ZNF407: variants seen among roughly 807,000 people sequenced by gnomAD.
ZNF407 encodes zinc finger protein 407.
A neutral mutation model predicts 131.2 loss-of-function variants in ZNF407; 17 were observed. The observed-to-expected ratio is 0.13, with a 90% CI of 0.09 to 0.19. The LOEUF is 0.19. ZNF407 is among the 10% of genes least tolerant of loss of function. The pLI is 1.00. For missense variants in ZNF407, 2,681 were observed against 2,830.6 expected, an observed-to-expected ratio of 0.95 and a Z score of 1.20; for synonymous variants, 1,156 against 1,062.0, an observed-to-expected ratio of 1.09 and a Z score of -1.72.
Position 74,634,058 on chromosome 18 carries a change from C to T in ZNF407, c.3039C>T (p.Gly1013=), listed in dbSNP as rs759445397. ...GDVYSQRDVT[G]TGENKCLHCE... ...TGTACTCCCAGAGAGATGTTACAGG[C>T]ACAGGTGAGAATAAGTGTTTGCACT... The change falls in exon 2 of 9, where the codon GGC becomes GGT. Residue 1013 remains glycine, a synonymous_variant. Transcript: ENST00000299687. 6.2e-7 allele frequency: 1 copy of T among 1,614,014 alleles called. No individual in the cohort carries two copies. Among genetic ancestry groups the T allele is most frequent in the South Asian group, 1.1e-5 (1 of 91,070 alleles).
rs775801351 is a variant in ZNF407 at position 74,632,170 on chromosome 18, C to T, written c.1151C>T (p.Thr384Ile). Residue 384 changes from threonine (T) to isoleucine (I), a missense_variant, in exon 2 of 9, where the codon ACC becomes ATC. Thr to Ile is a moderately conservative substitution (Grantham distance 89). Coordinates refer to ENST00000299687, the MANE Select transcript of ZNF407 (RefSeq NM_017757.3). ...GAAAACCAGAGTAGAAAGCTAGACACCTTAGTAACCTCAGAGGGTCTCTTA... is the reference window on the plus strand; with the variant it reads ...GAAAACCAGAGTAGAAAGCTAGACATCTTAGTAACCTCAGAGGGTCTCTTA... ...NPENQSRKLD[T>I]LVTSEGLLEK... 1.9e-6 allele frequency: 3 copies of T among 1,613,942 alleles called. No homozygotes were observed. The highest frequency in any genetic ancestry group is 2.5e-6 in the Non-Finnish European group (3 of 1,179,882).
At chr18:74,912,569 G>C (rs906449281) in intron 7 of ZNF407, among the ~76,000 whole-genome samples, 22 of 152,208 alleles carry the variant, frequency 1.4e-4, no homozygotes. Context: ...ATGTTATTGA[G>C]AGAGCTGAGT....
At chr18:74,668,374 T>C (rs1986012259) in intron 3 of ZNF407, among the ~76,000 whole-genome samples, 1 of 152,168 alleles carries the variant, frequency 6.6e-6, no homozygotes. Flanking sequence ...ACATATGAAA[T>C]CTGAAGGGAT....
Position 74,631,083 on chromosome 18 carries a change from GA to G in ZNF407, c.65del (p.Asp22AlafsTer2). 6.2e-7 allele frequency: 1 copy of G among 1,613,556 alleles called. No individual in the cohort carries two copies. Among genetic ancestry groups the G allele is most frequent in the Non-Finnish European group, 8.5e-7 (1 of 1,179,804 alleles). ...TGAAAAGATAAACAAAGAAGCACAA[GA>G]CTTGACAAAGCTTTCATCCCATAAT... ...EDEKINKEAQDLTKLSSHNED... is the reference protein window; with the variant it reads ...EDEKINKEAQXLTKLSSHNED... On this transcript the variant is annotated frameshift_variant, in exon 2 of 9. Transcript: ENST00000299687. LOFTEE classifies it high-confidence loss of function.
intron 8 of ZNF407, among the ~76,000 whole-genome samples, chr18:74,933,611 T>G (rs149342202): frequency 0.011 from 1,735 of 152,346 alleles, 33 homozygotes; most frequent in African/African-American, 0.038. Flanking sequence ...TTGGTACCCC[T>G]ATTTTTTCTG....
intron 1 of ZNF407, among the ~76,000 whole-genome samples, chr18:74,616,885 C>A (rs1983317789): frequency 6.6e-6 from 1 of 151,368 alleles, no homozygotes; most frequent in African/African-American, 2.4e-5. Context: ...TATCCACACA[C>A]CACACACATC....
At chr18:74,642,114 A>T (rs1036689061) in intron 3 of ZNF407, among the ~76,000 whole-genome samples, 1 of 152,118 alleles carries the variant, frequency 6.6e-6, no homozygotes, top group African/African-American at 2.4e-5. Flanking sequence ...TGGACAGTAC[A>T]TTTCATCCCA....
intron 8 of ZNF407, among the ~76,000 whole-genome samples, chr18:75,034,697 C>G (rs1364631764): frequency 6.6e-6 from 1 of 151,672 alleles, no homozygotes. Context: ...TGGTTTAGTT[C>G]TAAATATTTT....
intron 3 of ZNF407, among the ~76,000 whole-genome samples, chr18:74,719,739 G>A (rs1434377224): frequency 1.3e-5 from 2 of 152,078 alleles, no homozygotes; most frequent in Non-Finnish European, 2.9e-5. Context: ...TTTTTTTAGC[G>A]TCCACATATG....
intron 7 of ZNF407, among the ~76,000 whole-genome samples, chr18:74,904,893 A>G (rs978320470): frequency 7.2e-5 from 11 of 152,242 alleles, no homozygotes; most frequent in Non-Finnish European, 1.3e-4. Context: ...AATCAGTGGA[A>G]GTTAGAAAAG....
intron 8 of ZNF407, among the ~76,000 whole-genome samples, chr18:74,965,828 T>C (rs1284933419): frequency 6.6e-6 from 1 of 152,234 alleles, no homozygotes; most frequent in African/African-American, 2.4e-5. Context: ...TTTTGTTGCT[T>C]GCCTTTTGAA....
chr18:75,007,234 T>G (rs2122173184), intron 8 of ZNF407, among the ~76,000 whole-genome samples: 1 of 151,894 alleles, frequency 6.6e-6, no homozygotes, highest in South Asian at 2.1e-4. Context: ...CTATTTCTCT[T>G]TTCTGTTTCT....
chr18:74,995,971 A>T (rs1246709795), intron 8 of ZNF407, among the ~76,000 whole-genome samples: 1 of 152,272 alleles, frequency 6.6e-6, no homozygotes, highest in African/African-American at 2.4e-5. Context: ...TGATGTGAAT[A>T]CATGGTCTTT....
intron 4 of ZNF407, among the ~76,000 whole-genome samples, chr18:74,844,356 C>G (rs1970674389): frequency 6.6e-6 from 1 of 152,156 alleles, no homozygotes; most frequent in African/African-American, 2.4e-5. Flanking sequence ...ACTTGGAAAT[C>G]CAGCTTCCCT....
chr18:75,051,544 T>A (rs1279543494), intron 8 of ZNF407, among the ~76,000 whole-genome samples: 1 of 152,204 alleles, frequency 6.6e-6, no homozygotes, highest in Non-Finnish European at 1.5e-5. Context: ...TCACTCTTCA[T>A]GAAGCAGAGT....
At chr18:74,623,054 ATG>A (rs962292825) in intron 1 of ZNF407, among the ~76,000 whole-genome samples, 4 of 149,598 alleles carry the variant, frequency 2.7e-5, no homozygotes, top group Admixed American at 2.0e-4. Context: ...GAATGAGTGC[ATG>A]TGAGTGAAGA....
intron 1 of ZNF407, among the ~76,000 whole-genome samples, chr18:74,615,671 C>T (rs983430930): frequency 1.3e-5 from 2 of 152,128 alleles, no homozygotes; most frequent in African/African-American, 4.8e-5. Context: ...TTTCCTTCTC[C>T]ACATATAACA....
At chr18:74,895,676 T>C (rs1361188424) in intron 7 of ZNF407, among the ~76,000 whole-genome samples, 2 of 152,224 alleles carry the variant, frequency 1.3e-5, no homozygotes, top group African/African-American at 4.8e-5. Context: ...GATAACAGTA[T>C]ACATTTCTAT....
chr18:74,757,030 A>G (rs1357191990), intron 3 of ZNF407, among the ~76,000 whole-genome samples: 3 of 151,488 alleles, frequency 2.0e-5, no homozygotes, highest in Non-Finnish European at 4.4e-5. Context: ...ATTTTTGATG[A>G]TCTTTCCAAA....
Sources: allele counts gnomAD v4.1 joint callset (sites outside exome capture counted in the v4.1 genomes callset), GRCh38; gene constraint gnomAD v4.1.1; transcripts MANE v1.5; gene names NCBI Gene and HGNC (gene_info 2026-07-23, HGNC 2026-07-21).